The following MALRD1 variants were observed in gnomAD, a reference collection of about 807,000 sequenced individuals.
MALRD1 encodes MAM and LDL receptor class A domain containing 1.
Under a neutral mutation model 242.1 loss-of-function variants are expected in MALRD1, and 247 were observed. That is an observed-to-expected ratio of 1.02 (90% CI 0.92 to 1.13). MALRD1 has a LOEUF of 1.13. Ranked by LOEUF, MALRD1 falls within the 50% of genes most tolerant of loss-of-function variation. The pLI, the probability that MALRD1 is intolerant of heterozygous loss-of-function variation, is 0.00. For missense variants in MALRD1, 2,989 were observed against 2,533.1 expected, an observed-to-expected ratio of 1.18 and a Z score of -3.86; for synonymous variants, 995 against 866.6, an observed-to-expected ratio of 1.15 and a Z score of -2.60.
chr10:19,718,502 A>T (rs1834525281), intron 38 of MALRD1, among the ~76,000 whole-genome samples: 1 of 152,192 alleles, frequency 6.6e-6, no homozygotes, highest in Admixed American at 6.5e-5. Context: ...GAACTCACTC[A>T]TCACCTAGGC....
At chr10:19,264,159 C>T (rs1209853142) in intron 19 of MALRD1, among the ~76,000 whole-genome samples, 1 of 152,108 alleles carries the variant, frequency 6.6e-6, no homozygotes, top group Non-Finnish European at 1.5e-5. Flanking sequence ...TAAATATTGT[C>T]AAATGCCTTT....
chr10:19,330,466 C>T (rs1843314716), intron 23 of MALRD1, among the ~76,000 whole-genome samples: 2 of 151,892 alleles, frequency 1.3e-5, no homozygotes, highest in South Asian at 4.1e-4. Flanking sequence ...TAAAACTGTC[C>T]TTGTTAACTC....
chr10:19,142,921 T>G (rs1833602026), intron 10 of MALRD1, among the ~76,000 whole-genome samples: 1 of 152,200 alleles, frequency 6.6e-6, no homozygotes, highest in African/African-American at 2.4e-5. Context: ...TATTTTACAG[T>G]ACAGTGAAGT....
chr10:19,283,322 A>G, intron 21 of MALRD1, 141 bp downstream of exon 21: 1 of 689,132 alleles, frequency 1.5e-6, no homozygotes, highest in Non-Finnish European at 2.1e-6. Context: ...GTTTTCTTTC[A>G]TACAAAATGG....
chr10:19,323,222 C>A (rs1481618515), intron 21 of MALRD1, among the ~76,000 whole-genome samples: 2 of 151,932 alleles, frequency 1.3e-5, no homozygotes, highest in African/African-American at 4.8e-5. Flanking sequence ...AAGTTGAAGC[C>A]CAGACCGGTT....
chr10:19,308,021 T>G (rs1482940116), intron 21 of MALRD1, among the ~76,000 whole-genome samples: 4 of 151,616 alleles, frequency 2.6e-5, no homozygotes, highest in Admixed American at 1.3e-4. Flanking sequence ...TTATCCTTTG[T>G]GTTAAAAACA....
chr10:19,430,993 AT>A (rs1834105957), intron 28 of MALRD1, among the ~76,000 whole-genome samples: 1 of 152,126 alleles, frequency 6.6e-6, no homozygotes, highest in African/African-American at 2.4e-5. Flanking sequence ...TTAATAAGCC[AT>A]TTTTTAATTT....
chr10:19,445,788 A>G (rs1834940282), intron 28 of MALRD1, among the ~76,000 whole-genome samples: 2 of 152,188 alleles, frequency 1.3e-5, no homozygotes, highest in Non-Finnish European at 2.9e-5. Flanking sequence ...TCAGATCTCA[A>G]ACTCCGTGCT....
intron 32 of MALRD1, among the ~76,000 whole-genome samples, chr10:19,561,769 GA>G (rs1255494117): frequency 2.0e-5 from 3 of 151,798 alleles, no homozygotes; most frequent in Non-Finnish European, 4.4e-5. Context: ...GGAATGCCTG[GA>G]ACTGGTTATT....
chr10:19,676,838 C>T (rs1564534093), intron 36 of MALRD1, among the ~76,000 whole-genome samples: 1 of 152,124 alleles, frequency 6.6e-6, no homozygotes, highest in East Asian at 1.9e-4. Context: ...CCTGACAGGA[C>T]CCAGTGTGTG....
At chr10:19,537,281 G>A (rs2131366642) in intron 32 of MALRD1, among the ~76,000 whole-genome samples, 1 of 152,274 alleles carries the variant, frequency 6.6e-6, no homozygotes, top group East Asian at 1.9e-4. Flanking sequence ...TGGTGGGTAG[G>A]AGGAGGCCAA....
intron 36 of MALRD1, among the ~76,000 whole-genome samples, chr10:19,642,682 C>T (rs923758302): frequency 6.6e-6 from 1 of 152,146 alleles, no homozygotes; most frequent in Non-Finnish European, 1.5e-5. Context: ...TAGAAATCCT[C>T]AAGTTCAGTG....
intron 28 of MALRD1, among the ~76,000 whole-genome samples, chr10:19,429,446 C>G (rs952121238): frequency 3.3e-5 from 5 of 152,148 alleles, no homozygotes; most frequent in African/African-American, 1.2e-4. Flanking sequence ...CACCTGTGAT[C>G]CCAGCTACTC....
At chr10:19,692,886 T>TATATATGTATATATATAA in intron 38 of MALRD1, among the ~76,000 whole-genome samples, 1 of 136,856 alleles carries the variant, frequency 7.3e-6, no homozygotes, top group East Asian at 2.1e-4. Context: ...TATATATATA[T>TATATATGTATATATATAA]AATTTCATCC....
chr10:19,546,678 G>C (rs3852472), intron 32 of MALRD1, among the ~76,000 whole-genome samples: 7,914 of 152,230 alleles, frequency 0.052, 679 homozygotes, highest in African/African-American at 0.18. Context: ...TTACCTGTAG[G>C]TGTTTGCAAA....
chr10:19,171,729 C>CGTATATATACGTGCATATAT lies in MALRD1; in HGVS notation c.1831-3470_1831-3469insCGTGCATATATGTATATATA, dbSNP rs1834974022. On this transcript the variant is annotated intron_variant, in intron 13 of 39. Transcript: ENST00000454679. ...ATATATACGTATATACACGTATATA[C>CGTATATATACGTGCATATAT]GTATATATATCATATAATATACGAT... Among the ~76,000 whole-genome samples the CGTATATATACGTGCATATAT allele has an allele frequency of 1.5e-5, 2 of 137,692 alleles. 1 individual carries two copies. Among genetic ancestry groups the CGTATATATACGTGCATATAT allele is most frequent in the Admixed American group, 1.5e-4 (2 of 13,548 alleles). 90.3% of individuals were successfully genotyped at this position (137,692 alleles called of 152,430 possible).
At chr10:19,284,324 A>C (rs1441712255) in intron 21 of MALRD1, among the ~76,000 whole-genome samples, 1 of 151,120 alleles carries the variant, frequency 6.6e-6, no homozygotes, top group Non-Finnish European at 1.5e-5. Context: ...ATATGTATAC[A>C]TGTGCCACGC....
Position 19,063,805 on chromosome 10 carries a change from A to T in MALRD1, c.200-2914A>T, listed in dbSNP as rs193181170. Among the ~76,000 whole-genome samples, 380 of 43,028 alleles carry T rather than the reference A, an allele frequency of 8.8e-3. 2 individuals are homozygous for T. Among genetic ancestry groups the T allele is most frequent in the Non-Finnish European group, 0.014 (309 of 22,520 alleles). 28.2% of individuals were successfully genotyped at this position (43,028 alleles called of 152,430 possible). ...CTGGGGACTGTTGTGGGGTGGGGGGAGGCGGGAGGGATAGCATTAGGAGAT... is the reference window on the plus strand; with the variant it reads ...CTGGGGACTGTTGTGGGGTGGGGGGTGGCGGGAGGGATAGCATTAGGAGAT... On this transcript the variant is annotated intron_variant, in intron 1 of 39. Coordinates refer to ENST00000454679, the MANE Select transcript of MALRD1 (RefSeq NM_001142308.3).
At chr10:19,433,666 A>G (rs1834236158) in intron 28 of MALRD1, among the ~76,000 whole-genome samples, 1 of 152,148 alleles carries the variant, frequency 6.6e-6, no homozygotes, top group Admixed American at 6.6e-5. Context: ...ACTTCCAATC[A>G]TGAGCATAGC....
Sources: allele counts gnomAD v4.1 joint callset (sites outside exome capture counted in the v4.1 genomes callset), GRCh38; gene constraint gnomAD v4.1.1; transcripts MANE v1.5; gene names NCBI Gene and HGNC (gene_info 2026-07-23, HGNC 2026-07-21).